The following OPCML variants were observed in gnomAD, a reference collection of about 807,000 sequenced individuals.
The protein encoded by OPCML is opioid binding protein/cell adhesion molecule like.
OPCML carries 13 observed loss-of-function variants against 37.8 expected under a neutral mutation model. The ratio of observed to expected loss-of-function variants is 0.34; its 90% CI spans 0.22 to 0.55. The LOEUF (loss-of-function observed/expected upper bound fraction) is 0.55. Among genes scored for constraint, OPCML ranks in the 20% least tolerant of loss-of-function variants. The probability of loss-of-function intolerance (pLI) is 0.91; values close to 1 mark genes in which losing one functional copy is unlikely to be tolerated. For missense variants in OPCML, 341 were observed against 435.6 expected (o/e 0.78, Z 1.93); for synonymous variants, 176 against 168.8 (o/e 1.04, Z -0.33).
rs769347911 is a variant in OPCML, at chr11:132,874,394, TTCCC to T, written c.146+68528_146+68531del. Among the ~76,000 whole-genome samples the T allele has an allele frequency of 2.3e-3, 337 of 146,898 alleles. 1 individual carries two copies. Among genetic ancestry groups the T allele is most frequent in the African/African-American group, 5.0e-3 (192 of 38,032 alleles). On this transcript the variant is annotated intron_variant, in intron 2 of 7. Coordinates refer to ENST00000524381, the MANE Select transcript of OPCML (RefSeq NM_001012393.5). ...GTAACTAGGGAACAATCTTTTATCTTTCCCTCCCTCCCTCCCTCCCTCCCTCCCT... is the reference window on the plus strand; with the variant it reads ...GTAACTAGGGAACAATCTTTTATCTTTCCCTCCCTCCCTCCCTCCCTCCCT...
intron 2 of OPCML, among the ~76,000 whole-genome samples, chr11:132,816,264 CTG>C (rs980175638): frequency 6.6e-6 from 1 of 152,124 alleles, no homozygotes; most frequent in Non-Finnish European, 1.5e-5. Flanking sequence ...GCTTGGCAAA[CTG>C]TTTTTGTAAA....
intron 2 of OPCML, among the ~76,000 whole-genome samples, chr11:132,790,734 G>A (rs934804944): frequency 6.6e-5 from 10 of 152,174 alleles, no homozygotes; most frequent in African/African-American, 1.4e-4. Context: ...CCATCTCTTC[G>A]GGTGGAGGCA....
chr11:133,132,986 C>A (rs1949629567), intron 1 of OPCML, among the ~76,000 whole-genome samples: 1 of 152,090 alleles, frequency 6.6e-6, no homozygotes, highest in Non-Finnish European at 1.5e-5. Context: ...TTTCAGGAAG[C>A]TCTGTGAGGG....
At chr11:132,860,464 A>C (rs561486311) in intron 2 of OPCML, 1 of 152,284 alleles carries the variant, frequency 6.6e-6, no homozygotes, top group African/African-American at 2.4e-5. Flanking sequence ...AAATATGATA[A>C]CCTTATTAAA....
At chr11:133,389,555 A>G (rs1945125638) in intron 1 of OPCML, among the ~76,000 whole-genome samples, 1 of 152,226 alleles carries the variant, frequency 6.6e-6, no homozygotes, top group Non-Finnish European at 1.5e-5. Context: ...CTTGAATAAA[A>G]TAGATGTTCA....
At chr11:132,435,967 G>A (rs2096011624) in intron 7 of OPCML, 119 bp downstream of exon 7, 3 of 903,492 alleles carry the variant, frequency 3.3e-6, no homozygotes, top group Admixed American at 5.9e-5. Flanking sequence ...TTATCTACAG[G>A]TGGTGGGTTG....
intron 1 of OPCML, among the ~76,000 whole-genome samples, chr11:133,404,116 T>C (rs1391706906): frequency 6.6e-6 from 1 of 151,534 alleles, no homozygotes; most frequent in Non-Finnish European, 1.5e-5. Context: ...TGCAGACACA[T>C]GGCTCCAATC....
chr11:132,471,511 T>C (rs146058098), intron 4 of OPCML, among the ~76,000 whole-genome samples: 1 of 152,182 alleles, frequency 6.6e-6, no homozygotes. Flanking sequence ...GCTGCAACCA[T>C]CAGAAAGTTT....
At chr11:133,154,152 A>G (rs1386758203) in intron 1 of OPCML, among the ~76,000 whole-genome samples, 1 of 151,954 alleles carries the variant, frequency 6.6e-6, no homozygotes, top group Non-Finnish European at 1.5e-5. Flanking sequence ...TGTGCGGAGC[A>G]GGATGGAGCC....
At chr11:133,333,988 A>T (rs946349847) in intron 1 of OPCML, among the ~76,000 whole-genome samples, 22 of 152,248 alleles carry the variant, frequency 1.4e-4, no homozygotes, top group Non-Finnish European at 1.3e-4. Flanking sequence ...TAAGTTAAAA[A>T]ATAACAGATG....
intron 1 of OPCML, among the ~76,000 whole-genome samples, chr11:132,994,906 C>G (rs186133814): frequency 8.1e-4 from 124 of 152,296 alleles, no homozygotes; most frequent in African/African-American, 2.8e-3. Flanking sequence ...CACAGCACCC[C>G]TAGGAGTTGA....
In OPCML at chr11:133,206,997, CCTT is replaced by C. The variant is rs745984584; in HGVS notation, c.62-263990_62-263988del. ...CTCAGAGGAACGCCATAGAAAATCTCCTTCTAAGAGCCGGGCGCGGTGGCTCAC... is the reference window on the plus strand; with the variant it reads ...CTCAGAGGAACGCCATAGAAAATCTCCTAAGAGCCGGGCGCGGTGGCTCAC... On this transcript the variant is annotated intron_variant, in intron 1 of 7. Transcript: ENST00000524381. This position sits in a 1 kb window ranked among gnomAD's most constrained non-coding sequence, Gnocchi z 4.7. 4.6e-5 allele frequency among the ~76,000 whole-genome samples: 7 copies of C among 152,032 alleles called. No homozygotes were observed. Among genetic ancestry groups the C allele is most frequent in the East Asian group, 1.9e-4 (1 of 5,152 alleles).
intron 1 of OPCML, among the ~76,000 whole-genome samples, chr11:133,391,779 C>A (rs965504076): frequency 6.6e-6 from 1 of 152,252 alleles, no homozygotes; most frequent in African/African-American, 2.4e-5. Flanking sequence ...TCAGACCTAG[C>A]GCTAAAGCTC....
At chr11:133,142,272 G>T (rs1460147335) in intron 1 of OPCML, among the ~76,000 whole-genome samples, 1 of 152,182 alleles carries the variant, frequency 6.6e-6, no homozygotes, top group African/African-American at 2.4e-5. Flanking sequence ...AAAGTCTGTA[G>T]CTTGGCACTC....
At chr11:132,478,894 C>T (rs962335027) in intron 4 of OPCML, among the ~76,000 whole-genome samples, 2 of 152,104 alleles carry the variant, frequency 1.3e-5, no homozygotes, top group African/African-American at 2.4e-5. Flanking sequence ...ATATAAAAGT[C>T]AGTGATTATC....
chr11:132,473,338 TG>T (rs1213569658), intron 4 of OPCML, among the ~76,000 whole-genome samples: 2 of 152,260 alleles, frequency 1.3e-5, no homozygotes, highest in African/African-American at 4.8e-5. Context: ...CTCTTCTGGA[TG>T]CTACTCCCTT....
At chr11:133,061,081 G>C (rs1948333591) in intron 1 of OPCML, among the ~76,000 whole-genome samples, 1 of 152,158 alleles carries the variant, frequency 6.6e-6, no homozygotes, top group African/African-American at 2.4e-5. Context: ...GCTCAGGCTG[G>C]TCTTGAACTC....
At chr11:133,463,491 C>T (rs894321724) in intron 1 of OPCML, among the ~76,000 whole-genome samples, 6 of 152,106 alleles carry the variant, frequency 3.9e-5, no homozygotes, top group Non-Finnish European at 8.8e-5. Context: ...ACAGTGCCCT[C>T]CTGAAAGGAT....
chr11:133,469,907 C>T (rs765435704), intron 1 of OPCML, among the ~76,000 whole-genome samples: 1 of 152,232 alleles, frequency 6.6e-6, no homozygotes, highest in African/African-American at 2.4e-5. Context: ...TTTTCTGGAA[C>T]CAACTAAGTT....
Sources: gnomAD v4.1 joint callset for allele counts (sites outside exome capture counted in the v4.1 genomes callset) on GRCh38, gnomAD v4.1.1 for gene constraint, Gnocchi (gnomAD v3.1) non-coding constraint, MANE v1.5 for transcripts, NCBI Gene and HGNC (gene_info 2026-07-23, HGNC 2026-07-21) for gene names.